KIFAP3: variants seen among roughly 807,000 people sequenced by gnomAD.
The protein encoded by KIFAP3 is kinesin associated protein 3.
In KIFAP3, 68 loss-of-function variants were observed where a neutral mutation model predicts 106.5. That is an observed-to-expected ratio of 0.64 (90% CI 0.53 to 0.78). KIFAP3 has a LOEUF of 0.78. Ranked by LOEUF, KIFAP3 falls within the 30% of genes least tolerant of loss-of-function variation. The probability of loss-of-function intolerance (pLI) is 0.00; values close to 1 mark genes in which losing one functional copy is unlikely to be tolerated. For synonymous variants in KIFAP3, 320 were observed against 311.5 expected (o/e 1.03, Z -0.29); for missense variants, 780 against 941.8 (o/e 0.83, Z 2.25).
chr1:169,999,831 T>C (rs1667567708), intron 10 of KIFAP3, among the ~76,000 whole-genome samples: 1 of 152,160 alleles, frequency 6.6e-6, no homozygotes, highest in African/African-American at 2.4e-5. Context: ...CTCCAGTAAC[T>C]GATTTTGTGG....
chr1:169,938,888 A>T (rs1282211974), intron 19 of KIFAP3, among the ~76,000 whole-genome samples: 1 of 152,174 alleles, frequency 6.6e-6, no homozygotes, highest in Non-Finnish European at 1.5e-5. Flanking sequence ...AGTGCGAAAG[A>T]ACTTGGTGAA....
chr1:169,950,728 C>T (rs372042962), intron 19 of KIFAP3, among the ~76,000 whole-genome samples: 1 of 151,920 alleles, frequency 6.6e-6, no homozygotes, highest in Non-Finnish European at 1.5e-5. Context: ...AAGATTCCTA[C>T]TTTGCTTAAA....
At chr1:170,043,277 G>A (rs1042317059) in intron 3 of KIFAP3, among the ~76,000 whole-genome samples, 4 of 152,130 alleles carry the variant, frequency 2.6e-5, no homozygotes, top group African/African-American at 4.8e-5. Flanking sequence ...GTTTGGGTTC[G>A]TACGGTACCC....
intron 17 of KIFAP3, among the ~76,000 whole-genome samples, chr1:169,970,822 A>G (rs12403452): frequency 2.0e-5 from 3 of 152,034 alleles, no homozygotes; most frequent in Non-Finnish European, 4.4e-5. Flanking sequence ...CAATGCAGCA[A>G]TGGAAGCAGA....
At chr1:169,988,646 G>C (rs1329118349) in intron 11 of KIFAP3, among the ~76,000 whole-genome samples, 2 of 151,940 alleles carry the variant, frequency 1.3e-5, no homozygotes, top group African/African-American at 4.8e-5. Context: ...CTCTAAAGGA[G>C]TACCTTTTTA....
chr1:169,995,480 A>T (rs1040065258), intron 10 of KIFAP3, among the ~76,000 whole-genome samples: 2 of 152,112 alleles, frequency 1.3e-5, no homozygotes, highest in Non-Finnish European at 2.9e-5. Flanking sequence ...CTTAATTTTT[A>T]AAAAATATTT....
rs2102185877 is a variant in KIFAP3 at position 170,074,528 on chromosome 1, C to T, written c.-61G>A. ...TCTTGAGAGGCAGGCGCGGTTATTT[C>T]CGGGGACGGTGGCCAAAGTACCCTC... On this transcript the variant is annotated 5_prime_UTR_variant, in exon 1 of 20. Coordinates refer to ENST00000361580, the MANE Select transcript of KIFAP3 (RefSeq NM_014970.4). 5 of 1,610,886 alleles carry T rather than the reference C, an allele frequency of 3.1e-6. No homozygotes were observed. Among genetic ancestry groups the T allele is most frequent in the Non-Finnish European group, 4.2e-6 (5 of 1,178,752 alleles).
chr1:169,945,225 C>T (rs985380691), intron 19 of KIFAP3, among the ~76,000 whole-genome samples: 2 of 152,188 alleles, frequency 1.3e-5, no homozygotes, highest in Non-Finnish European at 2.9e-5. Flanking sequence ...GGCTTGGCTT[C>T]AACTTTGCTG....
chr1:170,045,585 A>G (rs192024952), intron 3 of KIFAP3, among the ~76,000 whole-genome samples: 7 of 152,326 alleles, frequency 4.6e-5, no homozygotes, highest in African/African-American at 1.7e-4. Context: ...TACTAGAGAT[A>G]AAAATTTTGT....
Position 170,072,198 on chromosome 1 carries a change from T to C in KIFAP3, c.32+2238A>G, listed in dbSNP as rs542396305. Among the ~76,000 whole-genome samples the C allele has an allele frequency of 6.6e-5, 10 of 152,330 alleles. 1 individual carries two copies. Among genetic ancestry groups the C allele is most frequent in the African/African-American group, 2.4e-4 (10 of 41,582 alleles). ...AGTCTCAACTCTTTACTAAAGCGCT[T>C]AAGTCCCATATGATTTGGCTCATAT... On this transcript the variant is annotated intron_variant, in intron 1 of 19. Coordinates refer to ENST00000361580, the MANE Select transcript of KIFAP3 (RefSeq NM_014970.4).
chr1:169,963,494 CCTTT>C (rs1665444453), intron 17 of KIFAP3, among the ~76,000 whole-genome samples: 2 of 151,860 alleles, frequency 1.3e-5, no homozygotes, highest in Admixed American at 1.3e-4. Context: ...TTTTCTTTTA[CCTTT>C]TTTTTGTTGT....
chr1:170,070,962 A>G (rs774054028), intron 1 of KIFAP3, among the ~76,000 whole-genome samples: 1 of 152,254 alleles, frequency 6.6e-6, no homozygotes, highest in African/African-American at 2.4e-5. Flanking sequence ...AAGAATAAAG[A>G]CAAATGGCCA....
At chr1:169,949,513 G>C (rs1307545190) in intron 19 of KIFAP3, among the ~76,000 whole-genome samples, 1 of 152,040 alleles carries the variant, frequency 6.6e-6, no homozygotes, top group Non-Finnish European at 1.5e-5. Context: ...AACAAAAACT[G>C]ATTTGTAAAA....
chr1:169,923,211 T>C (rs1330753183), intron 19 of KIFAP3: 1 of 352,178 alleles, frequency 2.8e-6, no homozygotes, highest in Non-Finnish European at 4.0e-6. Flanking sequence ...TCAAAGTTGG[T>C]TGAAATTTTT....
intron 3 of KIFAP3, among the ~76,000 whole-genome samples, chr1:170,043,041 T>C (rs140285952): frequency 2.3e-4 from 35 of 152,312 alleles, no homozygotes; most frequent in African/African-American, 8.4e-4. Context: ...ATCTCCAAAT[T>C]CACTGTAACT....
chr1:169,963,401 G>T (rs1251031012), intron 17 of KIFAP3, among the ~76,000 whole-genome samples: 1 of 152,160 alleles, frequency 6.6e-6, no homozygotes, highest in Non-Finnish European at 1.5e-5. Flanking sequence ...TGTAAACAGT[G>T]CTGCAATGAA....
chr1:169,939,736 G>A (rs770667315), intron 19 of KIFAP3, among the ~76,000 whole-genome samples: 1 of 152,080 alleles, frequency 6.6e-6, no homozygotes, highest in African/African-American at 2.4e-5. Flanking sequence ...GGCTTAGGAG[G>A]AAAATCAGAA....
At chr1:169,981,930 G>A (rs1666545082) in intron 15 of KIFAP3, 42 bp downstream of exon 15, 4 of 1,459,328 alleles carry the variant, frequency 2.7e-6, no homozygotes, top group Admixed American at 1.8e-5. Context: ...AAATCAATAA[G>A]CTGTTTAGAC....
At chr1:170,055,225 C>T (rs1670781327) in intron 2 of KIFAP3, 80 bp downstream of exon 2, 1 of 1,259,046 alleles carries the variant, frequency 7.9e-7, no homozygotes, top group East Asian at 2.5e-5. Context: ...ATCACCTATG[C>T]TGATCAAAAT....
Sources: gnomAD v4.1 joint callset for allele counts (sites outside exome capture counted in the v4.1 genomes callset) on GRCh38, gnomAD v4.1.1 for gene constraint, MANE v1.5 for transcripts, NCBI Gene and HGNC (gene_info 2026-07-23, HGNC 2026-07-21) for gene names.